Variants in UGT1A8 observed in about 807,000 individuals in gnomAD.
The protein encoded by UGT1A8 is UDP-glucuronosyltransferase 1A8.
Under a neutral mutation model 45.3 loss-of-function variants are expected in UGT1A8, and 39 were observed. That is an observed-to-expected ratio of 0.86 (90% CI 0.67 to 1.12). The LOEUF (loss-of-function observed/expected upper bound fraction) is 1.12. UGT1A8 is among the 50% of genes most tolerant of loss of function. The pLI is 0.00. For missense variants in UGT1A8, 719 were observed against 664.9 expected, an observed-to-expected ratio of 1.08 and a Z score of -0.90; for synonymous variants, 275 against 249.2, an observed-to-expected ratio of 1.10 and a Z score of -0.97.
At chr2:233,719,259 G>A (rs746608425) in intron 1 of UGT1A8, 2 of 1,614,146 alleles carry the variant, frequency 1.2e-6, no homozygotes, top group Admixed American at 1.7e-5. Flanking sequence ...TACTTCCTTT[G>A]ATGTGGTTTT....
intron 1 of UGT1A8, among the ~76,000 whole-genome samples, chr2:233,635,886 T>C (rs1458287056): frequency 6.6e-6 from 1 of 150,962 alleles, no homozygotes; most frequent in African/African-American, 2.5e-5. Flanking sequence ...AAATAGGTGA[T>C]GGTCACTTTC....
intron 1 of UGT1A8, among the ~76,000 whole-genome samples, chr2:233,638,300 A>T (rs544608346): frequency 6.6e-6 from 1 of 152,320 alleles, no homozygotes; most frequent in South Asian, 2.1e-4. Context: ...TATTTTGTAC[A>T]GGGCAATGTT....
At chr2:233,715,883 A>G (rs1485855848) in intron 1 of UGT1A8, among the ~76,000 whole-genome samples, 1 of 152,340 alleles carries the variant, frequency 6.6e-6, no homozygotes, top group African/African-American at 2.4e-5. Context: ...CTGTGGCCCC[A>G]GCTACTTGGG....
intron 1 of UGT1A8, chr2:233,747,659 T>C: frequency 1.9e-6 from 3 of 1,599,022 alleles, no homozygotes; most frequent in Non-Finnish European, 2.6e-6. Flanking sequence ...TCGATGTGGT[T>C]TTAATAGACC....
At chr2:233,755,468 T>G (rs1434722423) in intron 1 of UGT1A8, 4 of 241,190 alleles carry the variant, frequency 1.7e-5, no homozygotes, top group Non-Finnish European at 3.3e-5. Context: ...CTGCTCTCTG[T>G]GAGGCTCTGT....
At chr2:233,713,593 A>G in intron 1 of UGT1A8, 2 of 1,613,934 alleles carry the variant, frequency 1.2e-6, no homozygotes, top group South Asian at 1.1e-5. Context: ...CTAACGACCA[A>G]TTCAGACCAC....
chr2:233,714,809 G>A (rs545646081), intron 1 of UGT1A8, among the ~76,000 whole-genome samples: 102 of 152,292 alleles, frequency 6.7e-4, no homozygotes, highest in Middle Eastern at 3.4e-3. Context: ...ATATTCATAT[G>A]TAGTTAGTGA....
chr2:233,770,590 G>A (rs1203955957), intron 4 of UGT1A8: 2 of 151,878 alleles, frequency 1.3e-5, no homozygotes, highest in Non-Finnish European at 2.9e-5. Flanking sequence ...CCTGAGAGGC[G>A]GAGGTTGCAG....
intron 1 of UGT1A8, among the ~76,000 whole-genome samples, chr2:233,715,359 C>T (rs750728220): frequency 1.3e-5 from 2 of 150,138 alleles, no homozygotes; most frequent in Admixed American, 1.3e-4. Flanking sequence ...AGGTTTGAGA[C>T]TTATATTTTC....
rs746755028 is a variant in UGT1A8 at position 233,618,055 on chromosome 2, T to C, written c.348T>C (p.Phe116=). Residue 116 remains phenylalanine (F), a synonymous_variant, in exon 1 of 5, where the codon TTT becomes TTC. Coordinates refer to ENST00000373450, the MANE Select transcript of UGT1A8 (RefSeq NM_019076.5). The part of the protein sequence containing the change: ...FSLFLSSSNG[F]FNLFFSHCRS... ...TATTTCTGAGTTCATCCAATGGTTT[T>C]TTTAACTTATTTTTTTCGCATTGCA... 9 of 1,613,906 alleles carry C rather than the reference T, an allele frequency of 5.6e-6. No individual in the cohort carries two copies. Among genetic ancestry groups the C allele is most frequent in the Admixed American group, 1.7e-5 (1 of 59,944 alleles).
At chr2:233,691,384 C>A in intron 1 of UGT1A8, 1 of 985,574 alleles carries the variant, frequency 1.0e-6, no homozygotes, top group Non-Finnish European at 1.2e-6. Flanking sequence ...TTATGTTCCC[C>A]ATGGGGGCCA....
At chr2:233,718,272 G>A (rs551154473) in intron 1 of UGT1A8, among the ~76,000 whole-genome samples, 19 of 152,280 alleles carry the variant, frequency 1.2e-4, no homozygotes, top group Admixed American at 2.6e-4. Context: ...TGTGAAAAAA[G>A]ACCAAAACCA....
chr2:233,642,870 G>GTC (rs1202277598), intron 1 of UGT1A8, among the ~76,000 whole-genome samples: 52 of 151,252 alleles, frequency 3.4e-4, no homozygotes, highest in South Asian at 2.1e-3. Flanking sequence ...AAAATACAGA[G>GTC]TCTCTCTCTC....
chr2:233,714,067 G>A (rs973279509), intron 1 of UGT1A8, among the ~76,000 whole-genome samples: 1 of 152,094 alleles, frequency 6.6e-6, no homozygotes, highest in African/African-American at 2.4e-5. Context: ...AGGAAGGAGA[G>A]GCAGGGACGA....
At chr2:233,697,483 G>T (rs372892413) in intron 1 of UGT1A8, among the ~76,000 whole-genome samples, 3 of 148,958 alleles carry the variant, frequency 2.0e-5, no homozygotes, top group African/African-American at 7.4e-5. Flanking sequence ...CTAGCTCAAG[G>T]TTTGCCAATT....
chr2:233,750,659 G>C (rs1224813107), intron 1 of UGT1A8: 1 of 143,478 alleles, frequency 7.0e-6, no homozygotes, highest in Non-Finnish European at 1.5e-5. Context: ...AGGACTTGGT[G>C]CCCTGTGTCC....
At chr2:233,672,694 C>G (rs772500318) in intron 1 of UGT1A8, 1 of 1,613,912 alleles carries the variant, frequency 6.2e-7, no homozygotes, top group East Asian at 2.2e-5. Context: ...TTGGTTGTTG[C>G]GAACGGACTT....
chr2:233,705,123 C>T (rs1488231635), intron 1 of UGT1A8, among the ~76,000 whole-genome samples: 3 of 130,446 alleles, frequency 2.3e-5, no homozygotes, highest in Non-Finnish European at 3.1e-5. Flanking sequence ...GGGACAAGAG[C>T]GAGACTTCGT....
At chr2:233,689,099 C>A (rs2125541393) in intron 1 of UGT1A8, among the ~76,000 whole-genome samples, 1 of 152,330 alleles carries the variant, frequency 6.6e-6, no homozygotes, top group Non-Finnish European at 1.5e-5. Context: ...TGCCCCTCCC[C>A]ACTGCTCCTG....
Sources: gnomAD v4.1 joint callset for allele counts (sites outside exome capture counted in the v4.1 genomes callset) on GRCh38, gnomAD v4.1.1 for gene constraint, MANE v1.5 for transcripts, NCBI Gene and HGNC (gene_info 2026-07-23, HGNC 2026-07-21) for gene names.